RIN1: variants seen among roughly 807,000 people sequenced by gnomAD.
The protein encoded by RIN1 is ras inhibitor 1.
Under a neutral mutation model 64.9 loss-of-function variants are expected in RIN1, and 52 were observed. The observed-to-expected ratio is 0.80, with a 90% CI of 0.64 to 1.01. The LOEUF is 1.01. RIN1 is among the 50% of genes least tolerant of loss of function. The pLI is 0.00. For missense variants in RIN1, 1,040 were observed against 1,064.5 expected, an observed-to-expected ratio of 0.98 and a Z score of 0.32; for synonymous variants, 486 against 483.6, an observed-to-expected ratio of 1.00 and a Z score of -0.06.
chr11:66,334,722 T>C lies in RIN1; in HGVS notation c.1077A>G (p.Ala359=), dbSNP rs766588074. The change falls in exon 6 of 10, where the codon GCA becomes GCG. Residue 359 remains alanine, a synonymous_variant. Coordinates refer to ENST00000311320, the MANE Select transcript of RIN1 (RefSeq NM_004292.3). ...SMSAAFCSLL[A]PERQVGRAAA... is the part of the protein sequence containing the mutation. The stretch of plus-strand genomic sequence containing the variant: ...CAGCCCGGCCCACCTGCCGCTCCGG[T>C]GCCAGTAGGGAGCAGAAGGCGGCGC... 1.5e-5 allele frequency: 23 copies of C among 1,549,698 alleles called. No individual in the cohort carries two copies. In the South Asian group the frequency reaches 2.7e-4, roughly 18 times the overall value.
intron 7 of RIN1, 41 bp from the exon 8 acceptor site, chr11:66,333,699 C>T (rs1338395326): frequency 6.3e-7 from 1 of 1,582,920 alleles, no homozygotes; most frequent in Non-Finnish European, 8.6e-7. Context: ...CAGGTACAGT[C>T]CTTGCTTTAG....
intron 3 of RIN1, 27 bp downstream of exon 3, chr11:66,335,735 C>G: frequency 6.2e-7 from 1 of 1,611,944 alleles, no homozygotes. Context: ...CTGCTTCCAG[C>G]CCCTTCCCGC....
Position 66,332,070 on chromosome 11 carries a change from A to G in RIN1, c.*206T>C, listed in dbSNP as rs766430707. On this transcript the variant is annotated 3_prime_UTR_variant, in exon 10 of 10. Coordinates refer to ENST00000311320, the MANE Select transcript of RIN1 (RefSeq NM_004292.3). Reference sequence around the variant, plus strand: ...GAACAAGAGGCAAGGGGCCTTGGGCACACAGTCTGGGGGCCCCCGAAGCCC... The same window carrying G: ...GAACAAGAGGCAAGGGGCCTTGGGCGCACAGTCTGGGGGCCCCCGAAGCCC... 6.7e-6 allele frequency: 4 copies of G among 600,932 alleles called. No homozygotes were observed. Among genetic ancestry groups the G allele is most frequent in the Non-Finnish European group, 1.2e-5 (4 of 339,692 alleles). 37.2% of individuals were successfully genotyped at this position (600,932 alleles called of 1,614,324 possible).
In RIN1 at chr11:66,333,517, G is replaced by C; in HGVS notation, c.1723+10C>G. On this transcript the variant is annotated intron_variant, in intron 8 of 9. Coordinates refer to ENST00000311320, the MANE Select transcript of RIN1 (RefSeq NM_004292.3). ...CCACCCAGACAGGGAGGTGGGTGGG[G>C]GTCCCTCACCCTCTCCAGTAAGCAG... 3 of 1,612,336 alleles carry C rather than the reference G, an allele frequency of 1.9e-6. No individual in the cohort carries two copies. The highest frequency in any genetic ancestry group is 2.5e-6 in the Non-Finnish European group (3 of 1,179,576).
chr11:66,333,945 A>C lies in RIN1; in HGVS notation c.1565T>G (p.Leu522Arg). 1.3e-6 allele frequency: 2 copies of C among 1,551,182 alleles called. No individual in the cohort carries two copies. The highest frequency in any genetic ancestry group is 1.7e-6 in the Non-Finnish European group (2 of 1,148,336). ...TTCCTGGGTCCTCAGGGCCATGTAG[A>C]GCAGCTTGCAGGCCTGCAGGAGCCG... ...VKRLLQACKL[L>R]YMALRTQEGE... Residue 522 changes from leucine to arginine, a missense_variant, in exon 7 of 10, where the codon CTC (leucine) becomes CGC (arginine). By Grantham distance (102) the Leu-to-Arg change is moderately radical. Coordinates refer to ENST00000311320, the MANE Select transcript of RIN1 (RefSeq NM_004292.3).
Position 66,331,588 on chromosome 11 carries a change from C to A in RIN1, c.*688G>T, listed in dbSNP as rs1854735758. 6.6e-6 allele frequency: 1 copy of A among 152,190 alleles called. No individual in the cohort carries two copies. Among genetic ancestry groups the A allele is most frequent in the Admixed American group, 6.5e-5 (1 of 15,276 alleles). The allele number at this position is 152,190 out of a possible 1,614,324, so 9.4% of individuals were successfully genotyped here. ...GGTGGGAGCCCTGTCTGGCAGAGAG[C>A]GGACTCCGGGAGAGAGTTAGCAGCC... is the stretch of plus-strand genomic sequence containing the variant. On this transcript the variant is annotated 3_prime_UTR_variant, in exon 10 of 10. Coordinates refer to ENST00000311320, the MANE Select transcript of RIN1 (RefSeq NM_004292.3).
In RIN1 at chr11:66,333,529, T is replaced by C; in HGVS notation, c.1721A>G (p.Glu574Gly). The change falls in exon 8 of 10, where the codon GAG (glutamate) becomes GGG (glycine). Residue 574 changes from glutamate (E) to glycine (G), a missense_variant and splice_region_variant. Physicochemically the swap from Glu to Gly is moderately conservative, Grantham distance 98. Coordinates refer to ENST00000311320, the MANE Select transcript of RIN1 (RefSeq NM_004292.3). ...ELLEPSLLTG[E>G]GGYYLTSLSA... ...GGAGGTGGGTGGGGGTCCCTCACCCTCTCCAGTAAGCAGGCTGGGCTCCAG... is the reference window on the plus strand; with the variant it reads ...GGAGGTGGGTGGGGGTCCCTCACCCCCTCCAGTAAGCAGGCTGGGCTCCAG... 6.2e-7 allele frequency: 1 copy of C among 1,612,812 alleles called. No homozygotes were observed. The highest frequency in any genetic ancestry group is 8.5e-7 in the Non-Finnish European group (1 of 1,179,786).
Position 66,332,241 on chromosome 11 carries a change from C to G in RIN1, c.*35G>C. 1 of 1,596,628 alleles carries G rather than the reference C, an allele frequency of 6.3e-7. No homozygotes were observed. The highest frequency in any genetic ancestry group is 8.6e-7 in the Non-Finnish European group (1 of 1,165,880). Reference sequence around the variant, plus strand: ...AAGGATTTCTCAGCAGGCTCAGGGTCTCCCGCCCCGAATGACCCTTCTGGC... The same window carrying G: ...AAGGATTTCTCAGCAGGCTCAGGGTGTCCCGCCCCGAATGACCCTTCTGGC... On this transcript the variant is annotated 3_prime_UTR_variant, in exon 10 of 10. Coordinates refer to ENST00000311320, the MANE Select transcript of RIN1 (RefSeq NM_004292.3).
rs752178794 is a variant in RIN1, at chr11:66,334,552, T to C, written c.1247A>G (p.Glu416Gly). The change falls in exon 6 of 10, where the codon GAG (glutamate) becomes GGG (glycine). Residue 416 changes from glutamate (E) to glycine (G), a missense_variant. Physicochemically the swap from Glu to Gly is moderately conservative, Grantham distance 98. Coordinates refer to ENST00000311320, the MANE Select transcript of RIN1 (RefSeq NM_004292.3). ...CGACAGCAGCTTCTCAGGGCCCAGC[T>C]CCGCACTCAGCATGGCCCGGGCCCG... ...LSRARAMLSA[E>G]LGPEKLLSPK... 1.9e-6 allele frequency: 3 copies of C among 1,591,754 alleles called. No homozygotes were observed. Among genetic ancestry groups the C allele is most frequent in the Non-Finnish European group, 2.6e-6 (3 of 1,170,810 alleles).
rs1355365435 is a variant in RIN1, at chr11:66,332,669, G to A, written c.1959C>T (p.Ala653=). The change falls in exon 10 of 10, where the codon GCC becomes GCT. Residue 653 remains alanine (A), a synonymous_variant. Transcript: ENST00000311320. The part of the protein sequence containing the change: ...TLAVPPEASI[A]TLNQLCATKF... ...TGGTGGCACAGAGCTGGTTCAGGGT[G>A]GCAATCGAGGCTTCTGGGGGCACGG... is the stretch of plus-strand genomic sequence containing the variant. The A allele has an allele frequency of 1.3e-6, 2 of 1,579,468 alleles. No homozygotes were observed. The highest frequency in any genetic ancestry group is 8.6e-7 in the Non-Finnish European group (1 of 1,162,372).
At chr11:66,336,644 C>T (rs573565070), upstream of RIN1, 10 of 505,472 alleles carry the variant, frequency 2.0e-5, no homozygotes, top group South Asian at 1.5e-4. Flanking sequence ...CCTCCACACA[C>T]GGCCTCCTGC....
At chr11:66,333,105 G>C in intron 9 of RIN1, 153 bp downstream of exon 9, 1 of 881,882 alleles carries the variant, frequency 1.1e-6, no homozygotes, top group Non-Finnish European at 1.8e-6. Context: ...GCACGAAGTA[G>C]TTAAGTAACT....
chr11:66,336,533 G>T, upstream of RIN1: 1 of 778,444 alleles, frequency 1.3e-6, no homozygotes, highest in South Asian at 1.7e-5. Context: ...TGTCCACCCT[G>T]CCTGGCCAGT....
chr11:66,334,565 T>A lies in RIN1; in HGVS notation c.1234A>T (p.Met412Leu). The stretch of plus-strand genomic sequence containing the variant: ...TCAGGGCCCAGCTCCGCACTCAGCA[T>A]GGCCCGGGCCCGGCTCAGCGCCTGA... ...IRQALSRARAMLSAELGPEKL... is the reference protein window; with the variant it reads ...IRQALSRARALLSAELGPEKL... The change falls in exon 6 of 10, where the codon ATG (methionine) becomes TTG (leucine). Residue 412 changes from methionine (M) to leucine (L), a missense_variant. Transcript: ENST00000311320. The A allele has an allele frequency of 6.3e-7, 1 of 1,588,738 alleles. No homozygotes were observed. The highest frequency in any genetic ancestry group is 8.6e-7 in the Non-Finnish European group (1 of 1,169,316).
chr11:66,332,862 G>A, intron 9 of RIN1, 110 bp from the exon 10 acceptor site: 3 of 870,878 alleles, frequency 3.4e-6, no homozygotes, highest in Non-Finnish European at 5.3e-6. Flanking sequence ...GTGGGTAGGT[G>A]GAGATCCAGT....
chr11:66,334,296 C>A, intron 6 of RIN1, 72 bp from the exon 7 acceptor site: 1 of 1,320,220 alleles, frequency 7.6e-7, no homozygotes, highest in Non-Finnish European at 1.0e-6. Flanking sequence ...GAGAAGGGAG[C>A]AGGGGTAGAA....
intron 5 of RIN1, 45 bp from the exon 6 acceptor site, chr11:66,335,296 G>T (rs552127535): frequency 6.4e-7 from 1 of 1,558,910 alleles, no homozygotes; most frequent in Non-Finnish European, 8.6e-7. Context: ...CTGGTTAGGG[G>T]AAGTTTCCCA....
chr11:66,332,129 G>T lies in RIN1; in HGVS notation c.*147C>A. 1.2e-6 allele frequency: 1 copy of T among 810,470 alleles called. No individual in the cohort carries two copies. The highest frequency in any genetic ancestry group is 2.0e-6 in the Non-Finnish European group (1 of 496,616). The allele number at this position is 810,470 out of a possible 1,614,324, so 50.2% of individuals were successfully genotyped here. On this transcript the variant is annotated 3_prime_UTR_variant, in exon 10 of 10. Coordinates refer to ENST00000311320, the MANE Select transcript of RIN1 (RefSeq NM_004292.3). ...TTATTCCAGTTCCTCAGATGTGGCAGTTCCCCCAGCTTCCCTGGAAACAAG... is the reference window on the plus strand; with the variant it reads ...TTATTCCAGTTCCTCAGATGTGGCATTTCCCCCAGCTTCCCTGGAAACAAG...
rs1288118633 is a variant in RIN1 at position 66,334,149 on chromosome 11, C to G, written c.1361G>C (p.Arg454Pro). 6.5e-7 allele frequency: 1 copy of G among 1,538,194 alleles called. No homozygotes were observed. The highest frequency in any genetic ancestry group is 1.2e-5 in the South Asian group (1 of 81,468). Residue 454 changes from arginine to proline, a missense_variant, in exon 7 of 10, where the codon CGC (arginine) becomes CCC (proline). Coordinates refer to ENST00000311320, the MANE Select transcript of RIN1 (RefSeq NM_004292.3). ...LRPILAARLRRRLAADGSLGR... is the reference protein window; with the variant it reads ...LRPILAARLRPRLAADGSLGR... ...CAGGGAGCCGTCTGCGGCAAGCCGG[C>G]GCCGCAGGCGGGCTGCCAGGATGGG...
Sources: gnomAD v4.1 joint callset for allele counts on GRCh38, gnomAD v4.1.1 for gene constraint, MANE v1.5 for transcripts, NCBI Gene and HGNC (gene_info 2026-07-23, HGNC 2026-07-21) for gene names.